Variants in HDAC9 observed in about 807,000 individuals in gnomAD.
The protein encoded by HDAC9 is MEF-2 interacting transcription repressor (MITR) protein.
Under a neutral mutation model 139.4 loss-of-function variants are expected in HDAC9, and 41 were observed. The ratio of observed to expected loss-of-function variants is 0.29; its 90% CI spans 0.23 to 0.38. The LOEUF (loss-of-function observed/expected upper bound fraction) is 0.38. HDAC9 is among the 10% of genes least tolerant of loss of function. The pLI is 1.00. For missense variants in HDAC9, 1,147 were observed against 1,297.0 expected, an observed-to-expected ratio of 0.88 and a Z score of 1.78; for synonymous variants, 517 against 476.2, an observed-to-expected ratio of 1.09 and a Z score of -1.12.
chr7:18,832,444 C>A (rs1489191666), intron 19 of HDAC9, among the ~76,000 whole-genome samples: 1 of 152,184 alleles, frequency 6.6e-6, no homozygotes, highest in East Asian at 1.9e-4. Context: ...TATACAGGTT[C>A]TAAATCCTTG....
intron 1 of HDAC9, among the ~76,000 whole-genome samples, chr7:18,365,586 A>ACGAG (rs1388283641): frequency 6.6e-6 from 1 of 152,058 alleles, no homozygotes; most frequent in Non-Finnish European, 1.5e-5. Context: ...CAAGGGACTA[A>ACGAG]CGAGCAGTAA....
chr7:18,793,624 G>A (rs1175408003), intron 17 of HDAC9, among the ~76,000 whole-genome samples, 172 bp downstream of exon 17: 1 of 152,186 alleles, frequency 6.6e-6, no homozygotes, highest in Non-Finnish European at 1.5e-5. Flanking sequence ...GCAGGGAGCA[G>A]CTCATCCTGC....
intron 1 of HDAC9, among the ~76,000 whole-genome samples, chr7:18,438,824 A>T (rs1791474717): frequency 6.6e-6 from 1 of 152,184 alleles, no homozygotes. Context: ...CTATAAATGT[A>T]TGAATTATTT....
chr7:18,398,636 C>T (rs1339032991), intron 1 of HDAC9, among the ~76,000 whole-genome samples: 1 of 151,994 alleles, frequency 6.6e-6, no homozygotes, highest in Non-Finnish European at 1.5e-5. Context: ...GCTGTGTTAG[C>T]CCATTGAATT....
chr7:18,847,822 C>G (rs1797010994), intron 21 of HDAC9, among the ~76,000 whole-genome samples: 1 of 152,208 alleles, frequency 6.6e-6, no homozygotes, highest in Non-Finnish European at 1.5e-5. Flanking sequence ...ACACTTACCC[C>G]TCTCAGATGA....
chr7:18,554,328 T>C (rs1198936317), intron 2 of HDAC9, among the ~76,000 whole-genome samples: 1 of 3,616 alleles, frequency 2.8e-4, no homozygotes, highest in African/African-American at 8.9e-4. Flanking sequence ...TACAGATCAC[T>C]TTTTTTTTTT....
rs536805779 is a variant in HDAC9, at chr7:18,486,810, G to A, written c.-41-9452G>A. Among the ~76,000 whole-genome samples the A allele has an allele frequency of 8.5e-5, 13 of 152,186 alleles. No individual in the cohort carries two copies. The East Asian group carries it at 2.1e-3, about 25-fold the overall frequency. On this transcript the variant is annotated intron_variant, in intron 1 of 3. Transcript: ENST00000413509. ...AATATTAGATTTGGGAAGGGTGGTA[G>A]GTAGAATGGGGAATGATAATGCAGA...
At chr7:18,640,837 G>T (rs1622717) in intron 8 of HDAC9, among the ~76,000 whole-genome samples, 149,297 of 152,070 alleles carry the variant, frequency 0.98, 73,306 homozygotes, top group East Asian at 1. Flanking sequence ...GCGTACTGAT[G>T]CCCCGAGGTA....
intron 1 of HDAC9, among the ~76,000 whole-genome samples, chr7:18,368,050 T>C (rs890894055): frequency 3.3e-5 from 5 of 152,142 alleles, no homozygotes; most frequent in Admixed American, 2.0e-4. Context: ...GAAGTCATTG[T>C]AATAATTTGA....
intron 1 of HDAC9, among the ~76,000 whole-genome samples, chr7:18,349,706 C>CA (rs535105108): frequency 1.0e-3 from 138 of 132,236 alleles, no homozygotes; most frequent in East Asian, 4.1e-3. Context: ...AAGTTCCTGA[C>CA]AAAAAAAAAA....
intron 2 of HDAC9, among the ~76,000 whole-genome samples, chr7:18,509,698 C>A (rs560022145): frequency 6.6e-6 from 1 of 152,250 alleles, no homozygotes; most frequent in South Asian, 2.1e-4. Context: ...GACACCATCA[C>A]TGATTTCCCC....
chr7:18,744,260 G>C (rs552693233), intron 13 of HDAC9, among the ~76,000 whole-genome samples: 3 of 152,198 alleles, frequency 2.0e-5, no homozygotes, highest in Admixed American at 1.3e-4. Context: ...CCAAAGTGCT[G>C]GGATTAGAGG....
intron 3 of HDAC9, among the ~76,000 whole-genome samples, chr7:18,587,065 G>A (rs1309325307): frequency 1.3e-5 from 2 of 152,064 alleles, no homozygotes; most frequent in Non-Finnish European, 2.9e-5. Flanking sequence ...CTTTAAGTGA[G>A]ACATGTTTCC....
intron 8 of HDAC9, among the ~76,000 whole-genome samples, chr7:18,644,311 C>T (rs1318940336): frequency 6.7e-6 from 1 of 150,350 alleles, no homozygotes; most frequent in African/African-American, 2.5e-5. Context: ...GCATTATATA[C>T]ATATTTTTTT....
rs1194629464 is a variant in HDAC9, at chr7:18,452,770, A to G, written c.-41-43492A>G. Among the ~76,000 whole-genome samples the G allele has an allele frequency of 2.6e-5, 4 of 152,248 alleles. No homozygotes were observed. In the South Asian group the frequency reaches 6.2e-4, roughly 24 times the overall value. On this transcript the variant is annotated intron_variant, in intron 1 of 3. Coordinates refer to the HDAC9 transcript ENST00000413509. ...TGCACATGCTCTCTTGCCTGCCGCC[A>G]TGTAAGATGTGCCTTTTCTCTTCCT... is the stretch of plus-strand genomic sequence containing the variant.
At chr7:18,807,696 A>C (rs1482287028) in intron 17 of HDAC9, among the ~76,000 whole-genome samples, 1 of 152,124 alleles carries the variant, frequency 6.6e-6, no homozygotes, top group African/African-American at 2.4e-5. Context: ...GGTTTCCCAG[A>C]AATATGTTGC....
At chr7:18,231,839 G>T (rs952591126) in intron 2 of HDAC9, among the ~76,000 whole-genome samples, 5 of 152,194 alleles carry the variant, frequency 3.3e-5, no homozygotes, top group African/African-American at 1.2e-4. Context: ...TACTCGATTT[G>T]AGTGTAATTT....
intron 2 of HDAC9, among the ~76,000 whole-genome samples, chr7:18,205,439 C>T (rs1366208213): frequency 6.6e-6 from 1 of 151,956 alleles, no homozygotes; most frequent in African/African-American, 2.4e-5. Context: ...GGTTTCCCCA[C>T]TCATAGTAAT....
chr7:18,603,888 T>A lies in HDAC9; in HGVS notation c.664+9859T>A, dbSNP rs534814207. On this transcript the variant is annotated intron_variant, in intron 6 of 25. Transcript: ENST00000686413. Reference sequence around the variant, plus strand: ...AAAGTGCTTTATTTCTCCTTCTTGTTTGGGATAATTTGTGTTCTTTTTAAA... The same window carrying A: ...AAAGTGCTTTATTTCTCCTTCTTGTATGGGATAATTTGTGTTCTTTTTAAA... Among the ~76,000 whole-genome samples, 265 of 152,232 alleles carry A rather than the reference T, an allele frequency of 1.7e-3. 1 individual carries two copies. The highest frequency in any genetic ancestry group is 6.8e-3 in the Middle Eastern group (2 of 294).
Sources: allele counts gnomAD v4.1 joint callset (sites outside exome capture counted in the v4.1 genomes callset), GRCh38; gene constraint gnomAD v4.1.1; transcripts MANE v1.5; gene names NCBI Gene and HGNC (gene_info 2026-07-23, HGNC 2026-07-21).